The following CD180 variants were observed in gnomAD, a reference collection of about 807,000 sequenced individuals.
CD180 encodes CD180 antigen.
A neutral mutation model predicts 10.7 loss-of-function variants in CD180; 11 were observed. The observed-to-expected ratio is 1.03, with a 90% CI of 0.65 to 1.70. The LOEUF is 1.70. Among genes scored for constraint, CD180 ranks in the 40% most tolerant of loss-of-function variants. The pLI is 0.00. For synonymous variants in CD180, 286 were observed against 294.6 expected, an observed-to-expected ratio of 0.97 and a Z score of 0.30; for missense variants, 729 against 775.2, an observed-to-expected ratio of 0.94 and a Z score of 0.71.
At position 67,196,627 on chromosome 5, in the gene CD180, G is replaced by C. The variant is rs1742410126; in HGVS notation, c.15C>G (p.Val5=). The stretch of plus-strand genomic sequence containing the variant: ...ACAGCACCACCCAAAAGAAGCAGCT[G>C]ACGTCAAACGCCATCACAGGCTAGG... The part of the protein sequence containing the change: MAFD[V]SCFFWVVLFS... The change falls in exon 1 of 3, where the codon GTC becomes GTG. Residue 5 remains valine (V), a synonymous_variant. Transcript: ENST00000256447. 6.2e-7 allele frequency: 1 copy of C among 1,613,966 alleles called. No individual in the cohort carries two copies.
Position 67,183,236 on chromosome 5 carries a change from C to T in CD180, c.1607G>A (p.Ser536Asn), listed in dbSNP as rs1254644155. The stretch of plus-strand genomic sequence containing the variant: ...CTTAAGATGGCTAAGAGAATCAATG[C>T]TGTCGCATGTCAGGCTGTTGTGGCT... ...DLSHNSLTCD[S>N]IDSLSHLKGI... Residue 536 changes from serine to asparagine, a missense_variant, in exon 3 of 3, where the codon AGC (serine) becomes AAC (asparagine). Ser to Asn is a conservative substitution (Grantham distance 46). Coordinates refer to ENST00000256447, the MANE Select transcript of CD180 (RefSeq NM_005582.3). The T allele has an allele frequency of 1.2e-6, 2 of 1,613,892 alleles. No individual in the cohort carries two copies. The highest frequency in any genetic ancestry group is 1.7e-6 in the Non-Finnish European group (2 of 1,179,948).
At position 67,184,069 on chromosome 5, in the gene CD180, A is replaced by T; in HGVS notation, c.774T>A (p.Ile258=). ...QSLWLGTFED[I]DDEDISSAML... The stretch of plus-strand genomic sequence containing the variant: ...TGGCTGAACTAATATCTTCGTCATC[A>T]ATGTCCTCAAATGTTCCCAGCCAGA... The change falls in exon 3 of 3, where the codon ATT becomes ATA. Residue 258 remains isoleucine, a synonymous_variant. Coordinates refer to ENST00000256447, the MANE Select transcript of CD180 (RefSeq NM_005582.3). 1 of 1,614,176 alleles carries T rather than the reference A, an allele frequency of 6.2e-7. No individual in the cohort carries two copies. The highest frequency in any genetic ancestry group is 8.5e-7 in the Non-Finnish European group (1 of 1,180,028).
chr5:67,195,722 C>T (rs1343025686), intron 1 of CD180, among the ~76,000 whole-genome samples: 1 of 152,238 alleles, frequency 6.6e-6, no homozygotes, highest in Non-Finnish European at 1.5e-5. Context: ...TCCTTCTAGT[C>T]CTGCCCCAGG....
chr5:67,192,242 T>A (rs1228473497), intron 1 of CD180, among the ~76,000 whole-genome samples: 1 of 151,600 alleles, frequency 6.6e-6, no homozygotes, highest in African/African-American at 2.4e-5. Context: ...TACAAAAAAA[T>A]TGCCAGGTGT....
Position 67,183,233 on chromosome 5 carries a change from A to G in CD180, c.1610T>C (p.Ile537Thr), listed in dbSNP as rs1742095026. ...TCCCTTAAGATGGCTAAGAGAATCA[A>G]TGCTGTCGCATGTCAGGCTGTTGTG... ...LSHNSLTCDS[I>T]DSLSHLKGIY... The change falls in exon 3 of 3, where the codon ATT (isoleucine) becomes ACT (threonine). Residue 537 changes from isoleucine (I) to threonine (T), a missense_variant. Physicochemically the swap from Ile to Thr is moderately conservative, Grantham distance 89. Coordinates refer to ENST00000256447, the MANE Select transcript of CD180 (RefSeq NM_005582.3). 1.9e-6 allele frequency: 3 copies of G among 1,613,960 alleles called. No homozygotes were observed. Among genetic ancestry groups the G allele is most frequent in the South Asian group, 1.1e-5 (1 of 91,062 alleles).
chr5:67,195,842 G>T (rs1296050767), intron 1 of CD180, among the ~76,000 whole-genome samples: 1 of 152,188 alleles, frequency 6.6e-6, no homozygotes, highest in Non-Finnish European at 1.5e-5. Context: ...TGCAGCCCTT[G>T]TCTGACAGGC....
In CD180 at chr5:67,181,940, A is replaced by G. The variant is rs1742054946; in HGVS notation, c.*917T>C. On this transcript the variant is annotated 3_prime_UTR_variant, in exon 3 of 3. Coordinates refer to ENST00000256447, the MANE Select transcript of CD180 (RefSeq NM_005582.3). The stretch of plus-strand genomic sequence containing the variant: ...ATGTGCTAATTCAAATGCTCTCCGA[A>G]GCAAATAGGCTTTTAAGGGCAAGCC... 1 of 152,228 alleles carries G rather than the reference A, an allele frequency of 6.6e-6. No homozygotes were observed. The highest frequency in any genetic ancestry group is 1.5e-5 in the Non-Finnish European group (1 of 68,044). 9.4% of individuals were successfully genotyped at this position (152,228 alleles called of 1,614,324 possible).
rs1331840846 is a variant in CD180, at chr5:67,182,878, C to G, written c.1965G>C (p.Arg655Ser). The G allele has an allele frequency of 6.2e-7, 1 of 1,607,518 alleles. No homozygotes were observed. Among genetic ancestry groups the G allele is most frequent in the Admixed American group, 1.7e-5 (1 of 59,258 alleles). Residue 655 changes from arginine (R) to serine (S), a missense_variant, in exon 3 of 3, where the codon AGG becomes AGC. Transcript: ENST00000256447. The stretch of plus-strand genomic sequence containing the variant: ...AGCACTAAATGTGTTGGTATTTCCA[C>G]CTGAGAAGGTATTTAACTGCAAAAA... Reference protein sequence around the residue: ...LLFFAVKYLLRWKYQHI With the variant: ...LLFFAVKYLLSWKYQHI
chr5:67,182,793 A>G lies in CD180; in HGVS notation c.*64T>C, dbSNP rs1316239301. The stretch of plus-strand genomic sequence containing the variant: ...TCTGGTCTGGTCACCAGCAGATGAC[A>G]GTTCTTTCACTTAGAGCAATTTTGC... On this transcript the variant is annotated 3_prime_UTR_variant, in exon 3 of 3. Transcript: ENST00000256447. The G allele has an allele frequency of 7.3e-7, 1 of 1,367,776 alleles. No individual in the cohort carries two copies. The highest frequency in any genetic ancestry group is 2.2e-5 in the Admixed American group (1 of 45,414). The allele number at this position is 1,367,776 out of a possible 1,614,324, so 84.7% of individuals were successfully genotyped here.
Position 67,182,557 on chromosome 5 carries a change from C to T in CD180, c.*300G>A, listed in dbSNP as rs1037970131. On this transcript the variant is annotated 3_prime_UTR_variant, in exon 3 of 3. Coordinates refer to ENST00000256447, the MANE Select transcript of CD180 (RefSeq NM_005582.3). Reference sequence around the variant, plus strand: ...GCCTCCCTGTGGGAGACTCCGGGGCCGGCAGTCCCTGCCCAGTCCCTCCCT... The same window carrying T: ...GCCTCCCTGTGGGAGACTCCGGGGCTGGCAGTCCCTGCCCAGTCCCTCCCT... The T allele has an allele frequency of 9.1e-6, 2 of 220,520 alleles. No individual in the cohort carries two copies. The highest frequency in any genetic ancestry group is 2.1e-4 in the East Asian group (2 of 9,540). The allele number at this position is 220,520 out of a possible 1,614,324, so 13.7% of individuals were successfully genotyped here.
intron 2 of CD180, among the ~76,000 whole-genome samples, chr5:67,184,961 C>T (rs1742155942): frequency 6.6e-6 from 1 of 151,968 alleles, no homozygotes; most frequent in African/African-American, 2.4e-5. Flanking sequence ...TATATATACA[C>T]ACACAAAAAT....
At position 67,196,731 on chromosome 5, in the gene CD180, G is replaced by C; in HGVS notation, c.-90C>G. On this transcript the variant is annotated 5_prime_UTR_variant, in exon 1 of 3. Coordinates refer to ENST00000256447, the MANE Select transcript of CD180 (RefSeq NM_005582.3). Reference sequence around the variant, plus strand: ...GAAGGCCCTGGCAATTTGGCAGCCAGAGAGGTACTCAGAAGGGTGATCTTG... The same window carrying C: ...GAAGGCCCTGGCAATTTGGCAGCCACAGAGGTACTCAGAAGGGTGATCTTG... The C allele has an allele frequency of 6.6e-7, 1 of 1,521,730 alleles. No individual in the cohort carries two copies. Among genetic ancestry groups the C allele is most frequent in the East Asian group, 2.6e-5 (1 of 38,534 alleles). The allele number at this position is 1,521,730 out of a possible 1,614,324, so 94.3% of individuals were successfully genotyped here.
intron 1 of CD180, among the ~76,000 whole-genome samples, chr5:67,192,208 G>A (rs1250111346): frequency 6.6e-6 from 1 of 152,102 alleles, no homozygotes; most frequent in Non-Finnish European, 1.5e-5. Flanking sequence ...GGCTGACAAG[G>A]TGAAACTCCG....
chr5:67,183,871 C>A lies in CD180; in HGVS notation c.972G>T (p.Lys324Asn), dbSNP rs550559471. 1 of 1,614,178 alleles carries A rather than the reference C, an allele frequency of 6.2e-7. No individual in the cohort carries two copies. The highest frequency in any genetic ancestry group is 1.3e-5 in the African/African-American group (1 of 75,044). Residue 324 changes from lysine (K) to asparagine (N), a missense_variant, in exon 3 of 3, where the codon AAG (lysine) becomes AAT (asparagine). Lys to Asn is a moderately conservative substitution (Grantham distance 94, BLOSUM62 0). Transcript: ENST00000256447. ...PSGMKGLNLL[K>N]KLVLSVNHFD... ...AATGATTTACACTGAGAACTAATTTCTTGAGCAAGTTCAGACCCTTCATCC... is the reference window on the plus strand; with the variant it reads ...AATGATTTACACTGAGAACTAATTTATTGAGCAAGTTCAGACCCTTCATCC...
chr5:67,194,350 C>G (rs1276837264), intron 1 of CD180, among the ~76,000 whole-genome samples: 1 of 152,066 alleles, frequency 6.6e-6, no homozygotes, highest in African/African-American at 2.4e-5. Context: ...CCCAATTACT[C>G]CTGTAGATAA....
intron 1 of CD180, among the ~76,000 whole-genome samples, chr5:67,194,861 G>T (rs1025605998): frequency 2.0e-5 from 3 of 152,114 alleles, no homozygotes; most frequent in Non-Finnish European, 4.4e-5. Context: ...TAACCCACAG[G>T]ACCTCAGAAT....
In CD180 at chr5:67,182,715, G is replaced by A; in HGVS notation, c.*142C>T. The A allele has an allele frequency of 1.6e-6, 1 of 640,704 alleles. No individual in the cohort carries two copies. The highest frequency in any genetic ancestry group is 1.8e-5 in the African/African-American group (1 of 54,654). The allele number at this position is 640,704 out of a possible 1,614,324, so 39.7% of individuals were successfully genotyped here. On this transcript the variant is annotated 3_prime_UTR_variant, in exon 3 of 3. Coordinates refer to ENST00000256447, the MANE Select transcript of CD180 (RefSeq NM_005582.3). ...GCTCTGGGACTCACAGGAGTAAGAA[G>A]CTCAGAAAAGCACAGTGAGTCCCTG...
intron 1 of CD180, 31 bp downstream of exon 1, chr5:67,196,521 A>C: frequency 6.2e-7 from 1 of 1,612,734 alleles, no homozygotes. Flanking sequence ...AGACAGTTTA[A>C]TCTGCATAAA....
At chr5:67,195,304 C>A (rs1742379276) in intron 1 of CD180, among the ~76,000 whole-genome samples, 1 of 152,204 alleles carries the variant, frequency 6.6e-6, no homozygotes, top group African/African-American at 2.4e-5. Context: ...GCAACCTCTG[C>A]CTCCCGGGTT....
Sources: allele counts gnomAD v4.1 joint callset (sites outside exome capture counted in the v4.1 genomes callset), GRCh38; gene constraint gnomAD v4.1.1; transcripts MANE v1.5; gene names NCBI Gene and HGNC (gene_info 2026-07-23, HGNC 2026-07-21).